Variants in XXYLT1 observed in about 807,000 individuals in gnomAD.
XXYLT1 encodes the protein UDP-xylose:alpha-xyloside alpha-1,3-xylosyltransferase.
A neutral mutation model predicts 28.9 loss-of-function variants in XXYLT1; 20 were observed. The observed-to-expected ratio is 0.69, with a 90% CI of 0.49 to 1.00. The LOEUF is 1.00. Ranked by LOEUF, XXYLT1 falls within the 50% of genes least tolerant of loss-of-function variation. The pLI, the probability that XXYLT1 is intolerant of heterozygous loss-of-function variation, is 0.00. For synonymous variants in XXYLT1, 257 were observed against 253.8 expected (o/e 1.01, Z -0.12); for missense variants, 542 against 560.1 (o/e 0.97, Z 0.33).
intron 2 of XXYLT1, among the ~76,000 whole-genome samples, chr3:195,157,716 C>T (rs1035299880): frequency 6.6e-6 from 1 of 152,118 alleles, no homozygotes; most frequent in Non-Finnish European, 1.5e-5. Flanking sequence ...GTGCTGAAGC[C>T]TGAAATGGAA....
chr3:195,158,617 G>A (rs956744784), intron 2 of XXYLT1, among the ~76,000 whole-genome samples: 1 of 152,194 alleles, frequency 6.6e-6, no homozygotes, highest in Non-Finnish European at 1.5e-5. Context: ...GAGGTCCACC[G>A]ACTAGGAAGG....
intron 2 of XXYLT1, among the ~76,000 whole-genome samples, chr3:195,216,434 A>G (rs1449067629): frequency 6.6e-6 from 1 of 150,688 alleles, no homozygotes. Flanking sequence ...TAAAGAAAAA[A>G]AGAGAGAAGA....
chr3:195,189,522 T>C (rs889961813), intron 2 of XXYLT1, among the ~76,000 whole-genome samples: 1 of 152,210 alleles, frequency 6.6e-6, no homozygotes, highest in African/African-American at 2.4e-5. Context: ...TGCATTCAGA[T>C]GTTGGATTTA....
At chr3:195,143,812 A>ATATATATATTTTTTTTTT in intron 3 of XXYLT1, among the ~76,000 whole-genome samples, 1 of 94,864 alleles carries the variant, frequency 1.1e-5, no homozygotes, top group South Asian at 4.4e-4. Flanking sequence ...ATAGATATAT[A>ATATATATATTTTTTTTTT]TAGATATAGA....
chr3:195,232,671 C>G (rs1201698114), intron 1 of XXYLT1, among the ~76,000 whole-genome samples: 1 of 152,088 alleles, frequency 6.6e-6, no homozygotes, highest in Admixed American at 6.6e-5. Context: ...TGTTCAGTTT[C>G]CATGTGTTTG....
At chr3:195,153,309 C>T (rs1720381418) in intron 3 of XXYLT1, among the ~76,000 whole-genome samples, 1 of 152,226 alleles carries the variant, frequency 6.6e-6, no homozygotes, top group African/African-American at 2.4e-5. Context: ...CCAGCCAGTA[C>T]CAAGCCATTC....
At chr3:195,227,534 T>C (rs114163722) in intron 1 of XXYLT1, among the ~76,000 whole-genome samples, 382 of 152,332 alleles carry the variant, frequency 2.5e-3, no homozygotes, top group Non-Finnish European at 3.5e-3. Context: ...TCCAGAGGTA[T>C]AATCAGCTAC....
intron 1 of XXYLT1, among the ~76,000 whole-genome samples, chr3:195,239,271 G>T (rs949355275): frequency 4.6e-5 from 7 of 152,180 alleles, no homozygotes; most frequent in African/African-American, 1.7e-4. Context: ...CCAAGGATGG[G>T]CTGGCACCTG....
chr3:195,076,743 C>A lies in XXYLT1; in HGVS notation c.786-6632G>T, dbSNP rs1006025136. Among the ~76,000 whole-genome samples, 3 of 152,148 alleles carry A rather than the reference C, an allele frequency of 2.0e-5. No homozygotes were observed. The highest frequency in any genetic ancestry group is 4.4e-5 in the Non-Finnish European group (3 of 68,020). ...GGTGGCTTGCTGGCAGTCTGGGATC[C>A]TGGGAGAGGCATCACCCTGCTCTCT... On this transcript the variant is annotated intron_variant, in intron 3 of 3. Coordinates refer to ENST00000310380, the MANE Select transcript of XXYLT1 (RefSeq NM_152531.5). This position sits in a 1 kb window ranked among gnomAD's most constrained non-coding sequence, Gnocchi z 5.3.
Position 195,180,790 on chromosome 3 carries a change from C to A in XXYLT1, c.653-24209G>T, listed in dbSNP as rs951553877. 3.9e-5 allele frequency among the ~76,000 whole-genome samples: 6 copies of A among 152,238 alleles called. No homozygotes were observed. Among genetic ancestry groups the A allele is most frequent in the African/African-American group, 1.4e-4 (6 of 41,464 alleles). Reference sequence around the variant, plus strand: ...GAGCAAGGGCAGCGCCGGCCCTCCTCGGGAGAAGCTCCAAGGCCTGTCCCT... The same window carrying A: ...GAGCAAGGGCAGCGCCGGCCCTCCTAGGGAGAAGCTCCAAGGCCTGTCCCT... On this transcript the variant is annotated intron_variant, in intron 2 of 3. Transcript: ENST00000310380. The surrounding 1 kb of genome is among the most constrained non-coding windows in gnomAD (Gnocchi z 5.8).
intron 3 of XXYLT1, among the ~76,000 whole-genome samples, chr3:195,117,558 T>C (rs936971926): frequency 6.6e-6 from 1 of 152,218 alleles, no homozygotes; most frequent in African/African-American, 2.4e-5. Flanking sequence ...GATAAACATA[T>C]GGGAGGATTC....
intron 2 of XXYLT1, among the ~76,000 whole-genome samples, chr3:195,219,417 G>T (rs1723722549): frequency 1.3e-5 from 2 of 152,208 alleles, no homozygotes; most frequent in South Asian, 4.1e-4. Context: ...AAAAAGAAAA[G>T]ATGGTATTTT....
At position 195,088,108 on chromosome 3, in the gene XXYLT1, A is replaced by G. The variant is rs964998003; in HGVS notation, c.786-17997T>C. On this transcript the variant is annotated intron_variant, in intron 3 of 3. Coordinates refer to ENST00000310380, the MANE Select transcript of XXYLT1 (RefSeq NM_152531.5). ...TGCAAGGTGGCAGCGAGGCTGGGGG[A>G]GGGGCGCCCGCCATTGCCCAGGCTT... Among the ~76,000 whole-genome samples the G allele has an allele frequency of 7.1e-3, 1,079 of 151,542 alleles. 15 individuals carry two copies. Among genetic ancestry groups the G allele is most frequent in the African/African-American group, 0.025 (1,019 of 41,354 alleles).
intron 3 of XXYLT1, among the ~76,000 whole-genome samples, chr3:195,105,532 T>C (rs1313703281): frequency 6.6e-6 from 1 of 152,244 alleles, no homozygotes; most frequent in Non-Finnish European, 1.5e-5. Flanking sequence ...AACAGACTTT[T>C]ATTTAAACTT....
chr3:195,162,370 C>T (rs1720916092), intron 2 of XXYLT1, among the ~76,000 whole-genome samples: 1 of 152,192 alleles, frequency 6.6e-6, no homozygotes, highest in African/African-American at 2.4e-5. Context: ...GCCTGCCCCT[C>T]CTCGGATGGT....
intron 3 of XXYLT1, among the ~76,000 whole-genome samples, chr3:195,141,195 C>T (rs989834930): frequency 6.6e-6 from 1 of 152,206 alleles, no homozygotes; most frequent in Non-Finnish European, 1.5e-5. Context: ...AACTAAGACA[C>T]TTGGTAAGAT....
chr3:195,236,687 T>C (rs931276315), intron 1 of XXYLT1, among the ~76,000 whole-genome samples: 2 of 151,944 alleles, frequency 1.3e-5, no homozygotes, highest in Admixed American at 6.6e-5. Flanking sequence ...CCACCACAGC[T>C]GTGAATGTGC....
intron 3 of XXYLT1, among the ~76,000 whole-genome samples, chr3:195,106,124 C>T (rs1717065929): frequency 6.6e-6 from 1 of 152,166 alleles, no homozygotes; most frequent in South Asian, 2.1e-4. Flanking sequence ...AATAAAGTTA[C>T]CAATCAATAA....
chr3:195,179,448 A>G (rs1326116913), intron 2 of XXYLT1, among the ~76,000 whole-genome samples: 1 of 152,118 alleles, frequency 6.6e-6, no homozygotes, highest in South Asian at 2.1e-4. Flanking sequence ...TAACTCCACT[A>G]AAAACTGCAG....
Sources: gnomAD v4.1 joint callset for allele counts (sites outside exome capture counted in the v4.1 genomes callset) on GRCh38, gnomAD v4.1.1 for gene constraint, Gnocchi (gnomAD v3.1) non-coding constraint, MANE v1.5 for transcripts, NCBI Gene and HGNC (gene_info 2026-07-23, HGNC 2026-07-21) for gene names.